Variants in SUSD6 observed in about 807,000 individuals in gnomAD.
SUSD6 encodes the protein sushi domain containing 6, also known as sushi domain-containing protein 6.
A neutral mutation model predicts 28.4 loss-of-function variants in SUSD6; 16 were observed. The ratio of observed to expected loss-of-function variants is 0.56; its 90% CI spans 0.38 to 0.86. The LOEUF is 0.86. Among genes scored for constraint, SUSD6 ranks in the 40% least tolerant of loss-of-function variants. The probability of loss-of-function intolerance (pLI) is 0.00; values close to 1 mark genes in which losing one functional copy is unlikely to be tolerated. For missense variants in SUSD6, 341 were observed against 384.2 expected (o/e 0.89, Z 0.94); for synonymous variants, 147 against 159.6 (o/e 0.92, Z 0.59).
intron 2 of SUSD6, among the ~76,000 whole-genome samples, chr14:69,659,048 A>G (rs1163673380): frequency 1.3e-5 from 2 of 152,180 alleles, no homozygotes; most frequent in African/African-American, 4.8e-5. Context: ...TTCAGTGCCC[A>G]TTCTCACTAC....
intron 1 of SUSD6, among the ~76,000 whole-genome samples, chr14:69,624,360 T>G (rs1041806815): frequency 6.6e-5 from 10 of 152,102 alleles, no homozygotes; most frequent in African/African-American, 2.4e-4. Context: ...TCAGAAAGTA[T>G]CCACGGAATC....
chr14:69,689,913 G>A (rs374994895), intron 2 of SUSD6, among the ~76,000 whole-genome samples: 6 of 152,356 alleles, frequency 3.9e-5, no homozygotes, highest in African/African-American at 1.4e-4. Context: ...TGATCCGCCT[G>A]TCTTGGTCTC....
intron 2 of SUSD6, among the ~76,000 whole-genome samples, chr14:69,691,392 C>T (rs1481734535): frequency 2.0e-5 from 3 of 152,196 alleles, no homozygotes; most frequent in Non-Finnish European, 4.4e-5. Flanking sequence ...CTCCACCCCT[C>T]AACTGCTGGT....
chr14:69,628,229 G>A (rs968603893), intron 1 of SUSD6, among the ~76,000 whole-genome samples: 6 of 151,998 alleles, frequency 3.9e-5, no homozygotes, highest in African/African-American at 7.3e-5. Context: ...CACTGCTCTC[G>A]GCCCCAAAGT....
At chr14:69,635,560 G>C (rs1885251625) in intron 1 of SUSD6, among the ~76,000 whole-genome samples, 1 of 150,164 alleles carries the variant, frequency 6.7e-6, no homozygotes, top group African/African-American at 2.5e-5. Flanking sequence ...AGAGAAGGAA[G>C]TCATCTCCTC....
At chr14:69,694,853 G>A (rs1449445333) in intron 2 of SUSD6, among the ~76,000 whole-genome samples, 3 of 152,178 alleles carry the variant, frequency 2.0e-5, no homozygotes, top group African/African-American at 7.2e-5. Flanking sequence ...TGTCCCACCT[G>A]TCAGTTGCTG....
chr14:69,645,452 TTTG>T (rs376593239), intron 1 of SUSD6, among the ~76,000 whole-genome samples: 3 of 152,170 alleles, frequency 2.0e-5, no homozygotes, highest in African/African-American at 7.2e-5. Flanking sequence ...GTAGAGAGAC[TTTG>T]TTGTTGTTGA....
At chr14:69,668,778 A>T (rs1885784173) in intron 2 of SUSD6, among the ~76,000 whole-genome samples, 2 of 152,062 alleles carry the variant, frequency 1.3e-5, no homozygotes, top group Admixed American at 1.3e-4. Flanking sequence ...GGCTTGGGCG[A>T]TCCCCTTGAT....
chr14:69,653,525 GTCT>G (rs764898513), intron 1 of SUSD6, among the ~76,000 whole-genome samples: 1 of 152,192 alleles, frequency 6.6e-6, no homozygotes, highest in Non-Finnish European at 1.5e-5. Flanking sequence ...CCTCTCCTCT[GTCT>G]CAGCTCTAAG....
chr14:69,694,683 CA>C (rs1193893312), intron 2 of SUSD6, among the ~76,000 whole-genome samples: 3 of 152,202 alleles, frequency 2.0e-5, no homozygotes, highest in Non-Finnish European at 2.9e-5. Context: ...GTGCCTCAAA[CA>C]TGAAAACTCC....
chr14:69,628,504 C>G (rs1265978347), intron 1 of SUSD6, among the ~76,000 whole-genome samples: 5 of 152,202 alleles, frequency 3.3e-5, no homozygotes, highest in Non-Finnish European at 7.4e-5. Flanking sequence ...ATCAGAGTAT[C>G]CCAGAAAAGA....
At chr14:69,644,182 G>A (rs1885393388) in intron 1 of SUSD6, among the ~76,000 whole-genome samples, 2 of 152,156 alleles carry the variant, frequency 1.3e-5, no homozygotes, top group East Asian at 1.9e-4. Flanking sequence ...GGTGCCCAAT[G>A]TATGTGTTGA....
chr14:69,705,699 C>T (rs980767932), intron 4 of SUSD6, among the ~76,000 whole-genome samples: 12 of 152,210 alleles, frequency 7.9e-5, no homozygotes, highest in African/African-American at 2.9e-4. Flanking sequence ...TTCTGTGCAA[C>T]TAGGATTTAG....
intron 2 of SUSD6, among the ~76,000 whole-genome samples, chr14:69,702,698 C>T (rs1327115149): frequency 1.3e-5 from 2 of 152,206 alleles, no homozygotes; most frequent in Non-Finnish European, 2.9e-5. Flanking sequence ...AGTCACTTAA[C>T]TTTTGTGGCC....
chr14:69,629,711 G>C (rs1174043832), intron 1 of SUSD6, among the ~76,000 whole-genome samples: 1 of 152,214 alleles, frequency 6.6e-6, no homozygotes, highest in Non-Finnish European at 1.5e-5. Context: ...TGTTTTGCCA[G>C]CTTCTTGCCG....
At chr14:69,669,652 C>T (rs1485826579) in intron 2 of SUSD6, among the ~76,000 whole-genome samples, 3 of 152,206 alleles carry the variant, frequency 2.0e-5, no homozygotes, top group Admixed American at 6.5e-5. Context: ...CTTATTCTCA[C>T]CTGGTTCTTC....
Position 69,630,071 on chromosome 14 carries a change from A to G in SUSD6, c.-81+18243A>G, listed in dbSNP as rs1032787728. ...TTCAGTATTACTAGGCAGGCTGATA[A>G]TAAAAGCTAACATATATTGAATGCT... On this transcript the variant is annotated intron_variant, in intron 1 of 5. Coordinates refer to ENST00000342745, the MANE Select transcript of SUSD6 (RefSeq NM_014734.4). Among the ~76,000 whole-genome samples the G allele has an allele frequency of 2.6e-5, 4 of 152,236 alleles. No individual in the cohort carries two copies. In the South Asian group the frequency reaches 8.3e-4, roughly 32 times the overall value.
At chr14:69,652,185 T>A (rs369355924) in intron 1 of SUSD6, among the ~76,000 whole-genome samples, 28 of 152,166 alleles carry the variant, frequency 1.8e-4, no homozygotes, top group Non-Finnish European at 3.5e-4. Context: ...TAGGAAAAAA[T>A]TTGTTCTAAA....
At chr14:69,657,697 T>C (rs1468498477) in intron 1 of SUSD6, among the ~76,000 whole-genome samples, 1 of 152,196 alleles carries the variant, frequency 6.6e-6, no homozygotes, top group Non-Finnish European at 1.5e-5. Flanking sequence ...GCCCACACCA[T>C]AATGTATTGT....
Sources: gnomAD v4.1 joint callset for allele counts (sites outside exome capture counted in the v4.1 genomes callset) on GRCh38, gnomAD v4.1.1 for gene constraint, MANE v1.5 for transcripts, NCBI Gene and HGNC (gene_info 2026-07-23, HGNC 2026-07-21) for gene names.